Variants in DEUP1 observed in about 807,000 individuals in gnomAD.
DEUP1 encodes coiled-coil domain containing 67.
In DEUP1, 82 loss-of-function variants were observed where a neutral mutation model predicts 87.4. That is an observed-to-expected ratio of 0.94 (90% CI 0.78 to 1.13). The LOEUF (loss-of-function observed/expected upper bound fraction) is 1.13. Ranked by LOEUF, DEUP1 falls within the 50% of genes most tolerant of loss-of-function variation. The probability of loss-of-function intolerance (pLI) is 0.00; values close to 1 mark genes in which losing one functional copy is unlikely to be tolerated. For missense variants in DEUP1, 663 were observed against 681.5 expected (o/e 0.97, Z 0.30); for synonymous variants, 214 against 222.7 (o/e 0.96, Z 0.35).
intron 7 of DEUP1, among the ~76,000 whole-genome samples, chr11:93,382,429 T>G (rs1262010379): frequency 6.6e-6 from 1 of 152,248 alleles, no homozygotes; most frequent in East Asian, 1.9e-4. Context: ...TTAACATATA[T>G]GCTTGTACCT....
Position 93,371,027 on chromosome 11 carries a change from A to G in DEUP1, c.547-11A>G, listed in dbSNP as rs374295186. 2.5e-5 allele frequency: 40 copies of G among 1,603,136 alleles called. No homozygotes were observed. Among genetic ancestry groups the G allele is most frequent in the Non-Finnish European group, 3.3e-5 (39 of 1,173,900 alleles). ...TCTTCATTTGAGTTACACAGTTTTTATATTTTTCAGAAACAGGCACAAAGT... is the reference window on the plus strand; with the variant it reads ...TCTTCATTTGAGTTACACAGTTTTTGTATTTTTCAGAAACAGGCACAAAGT... On this transcript the variant is annotated splice_polypyrimidine_tract_variant and intron_variant, in intron 6 of 13. Coordinates refer to ENST00000298050, the MANE Select transcript of DEUP1 (RefSeq NM_181645.4).
intron 2 of DEUP1, among the ~76,000 whole-genome samples, chr11:93,348,923 T>TCTGCATTATCCCTGCTTATCC (rs1241532215): frequency 6.6e-6 from 1 of 152,160 alleles, no homozygotes; most frequent in Non-Finnish European, 1.5e-5. Flanking sequence ...GCTTATCAAG[T>TCTGCATTATCCCTGCTTATCC]CTGCAGCTCA....
chr11:93,360,387 G>A (rs1407526297), intron 4 of DEUP1, among the ~76,000 whole-genome samples: 2 of 152,072 alleles, frequency 1.3e-5, no homozygotes, highest in African/African-American at 2.4e-5. Flanking sequence ...ACACAAAAAT[G>A]TCCAGGTATC....
rs143757845 is a variant in DEUP1 at position 93,366,663 on chromosome 11, G to A, written c.432+2369G>A. On this transcript the variant is annotated intron_variant, in intron 5 of 13. Transcript: ENST00000298050. The stretch of plus-strand genomic sequence containing the variant: ...GAAGCCAGGATTGTCATAAGCACCT[G>A]CTGATATGTTTGTGACACACATTTC... Among the ~76,000 whole-genome samples, 93 of 152,282 alleles carry A rather than the reference G, an allele frequency of 6.1e-4. 1 individual carries two copies. Among genetic ancestry groups the A allele is most frequent in the South Asian group, 1.9e-3 (9 of 4,826 alleles).
At chr11:93,366,141 A>G (rs1055429519) in intron 5 of DEUP1, among the ~76,000 whole-genome samples, 6 of 152,344 alleles carry the variant, frequency 3.9e-5, no homozygotes, top group South Asian at 2.1e-4. Flanking sequence ...CACGAGGTCT[A>G]GAAGTCACCT....
chr11:93,378,926 A>G (rs1946168673), intron 7 of DEUP1, among the ~76,000 whole-genome samples: 1 of 151,586 alleles, frequency 6.6e-6, no homozygotes. Flanking sequence ...CCTGCCTCCC[A>G]TCTGCCATTT....
intron 11 of DEUP1, among the ~76,000 whole-genome samples, 176 bp from the exon 12 acceptor site, chr11:93,408,055 G>C (rs1054856116): frequency 2.0e-5 from 3 of 151,988 alleles, no homozygotes; most frequent in Non-Finnish European, 4.4e-5. Flanking sequence ...CTGGGTATCT[G>C]CTTGTTGTGA....
chr11:93,350,164 T>G (rs766187736), intron 2 of DEUP1, among the ~76,000 whole-genome samples: 2 of 152,228 alleles, frequency 1.3e-5, no homozygotes, highest in African/African-American at 2.4e-5. Context: ...CTGGACTGGT[T>G]GTGTTGTTGC....
At chr11:93,398,646 A>T (rs1025879124) in intron 11 of DEUP1, among the ~76,000 whole-genome samples, 2 of 152,072 alleles carry the variant, frequency 1.3e-5, no homozygotes, top group African/African-American at 4.8e-5. Flanking sequence ...ATATTCATTG[A>T]CAATGTGTAC....
chr11:93,420,221 C>T (rs61918330), intron 13 of DEUP1, among the ~76,000 whole-genome samples: 1 of 152,236 alleles, frequency 6.6e-6, no homozygotes, highest in Non-Finnish European at 1.5e-5. Flanking sequence ...CCACCATGAT[C>T]AAGTGGGCTT....
At chr11:93,432,737 G>C (rs1489073067) in intron 13 of DEUP1, among the ~76,000 whole-genome samples, 3 of 152,174 alleles carry the variant, frequency 2.0e-5, no homozygotes, top group African/African-American at 4.8e-5. Flanking sequence ...GGAAGAGAGA[G>C]TATGAGGAAG....
intron 13 of DEUP1, among the ~76,000 whole-genome samples, chr11:93,420,449 C>T (rs1190328481): frequency 1.3e-5 from 2 of 151,994 alleles, no homozygotes; most frequent in African/African-American, 4.8e-5. Context: ...AACCCATAGC[C>T]AATATCATAC....
At chr11:93,357,964 T>C (rs7924486) in intron 4 of DEUP1, among the ~76,000 whole-genome samples, 3,057 of 152,298 alleles carry the variant, frequency 0.02, 112 homozygotes, top group African/African-American at 0.07. Flanking sequence ...AAATTATATA[T>C]GGTTTTTACT....
intron 10 of DEUP1, among the ~76,000 whole-genome samples, chr11:93,395,774 A>G (rs1591219505): frequency 6.6e-6 from 1 of 152,334 alleles, no homozygotes. Flanking sequence ...AAATTGAGAG[A>G]CAAAATGAAG....
chr11:93,429,784 C>T (rs1348325612), intron 13 of DEUP1, among the ~76,000 whole-genome samples: 1 of 152,176 alleles, frequency 6.6e-6, no homozygotes, highest in Non-Finnish European at 1.5e-5. Flanking sequence ...GATTTAATAA[C>T]ATGGGGCTTC....
intron 2 of DEUP1, among the ~76,000 whole-genome samples, chr11:93,337,416 A>G (rs1009300884): frequency 5.9e-5 from 4 of 68,358 alleles, no homozygotes; most frequent in Non-Finnish European, 1.2e-4. Context: ...TGAATAAATT[A>G]TATATTATTT....
chr11:93,355,735 G>T (rs1490426883), intron 3 of DEUP1, among the ~76,000 whole-genome samples, 193 bp downstream of exon 3: 1 of 152,152 alleles, frequency 6.6e-6, no homozygotes, highest in Non-Finnish European at 1.5e-5. Flanking sequence ...TAAATCCATA[G>T]ATGTTTGCTG....
chr11:93,404,945 C>T (rs539263475), intron 11 of DEUP1, among the ~76,000 whole-genome samples: 3 of 151,838 alleles, frequency 2.0e-5, no homozygotes, highest in Non-Finnish European at 4.4e-5. Context: ...AATACATTAC[C>T]TGTGTAATTC....
chr11:93,393,254 C>T (rs764103196), intron 9 of DEUP1, among the ~76,000 whole-genome samples: 3 of 151,968 alleles, frequency 2.0e-5, no homozygotes, highest in Non-Finnish European at 4.4e-5. Context: ...TGCCACCACA[C>T]CCGGCTAATG....
Sources: gnomAD v4.1 joint callset for allele counts (sites outside exome capture counted in the v4.1 genomes callset) on GRCh38, gnomAD v4.1.1 for gene constraint, MANE v1.5 for transcripts, NCBI Gene and HGNC (gene_info 2026-07-23, HGNC 2026-07-21) for gene names.